Variants in CA10 observed in about 807,000 individuals in gnomAD.
CA10 encodes the protein carbonic anhydrase-related protein 10.
A neutral mutation model predicts 44.2 loss-of-function variants in CA10; 14 were observed. That is an observed-to-expected ratio of 0.32 (90% CI 0.21 to 0.50). The LOEUF is 0.50. Ranked by LOEUF, CA10 falls within the 20% of genes least tolerant of loss-of-function variation. The pLI is 0.99. For missense variants in CA10, 350 were observed against 409.7 expected, an observed-to-expected ratio of 0.85 and a Z score of 1.26; for synonymous variants, 159 against 141.6, an observed-to-expected ratio of 1.12 and a Z score of -0.87.
At chr17:52,157,223 TG>T (rs1028937669) in intron 1 of CA10, among the ~76,000 whole-genome samples, 3 of 152,098 alleles carry the variant, frequency 2.0e-5, no homozygotes, top group African/African-American at 7.2e-5. Flanking sequence ...CTGATGTGTT[TG>T]GGTAAGGCAT....
intron 6 of CA10, among the ~76,000 whole-genome samples, chr17:51,638,664 G>A (rs1465066896): frequency 6.6e-6 from 1 of 152,206 alleles, no homozygotes; most frequent in Admixed American, 6.5e-5. Context: ...AGGTATAGAT[G>A]AGTAGGAAAT....
intron 4 of CA10, among the ~76,000 whole-genome samples, chr17:51,681,615 CT>C (rs1319037649): frequency 2.0e-5 from 3 of 152,156 alleles, no homozygotes; most frequent in Non-Finnish European, 4.4e-5. Context: ...CAAATGTCCC[CT>C]GAAAGGCAAT....
rs543072488 is a variant in CA10, at chr17:51,644,168, C to G, written c.634+5014G>C. ...CTCAAAAGAATGATTTTGCACAGTT[C>G]CCCCCCTTTTTTTTTTTCCTGGTCA... On this transcript the variant is annotated intron_variant, in intron 6 of 8. Transcript: ENST00000451037. 7.5e-3 allele frequency among the ~76,000 whole-genome samples: 618 copies of G among 82,352 alleles called. 3 individuals carry two copies. The highest frequency in any genetic ancestry group is 0.023 in the African/African-American group (575 of 25,316). 54.0% of individuals were successfully genotyped at this position (82,352 alleles called of 152,430 possible).
intron 1 of CA10, among the ~76,000 whole-genome samples, chr17:52,114,604 T>G (rs1280069575): frequency 1.3e-5 from 2 of 152,226 alleles, no homozygotes; most frequent in Non-Finnish European, 2.9e-5. Flanking sequence ...TTAGTAATTC[T>G]TTTAATTACT....
At chr17:51,759,658 AC>A (rs1274825703) in intron 3 of CA10, among the ~76,000 whole-genome samples, 53 of 151,644 alleles carry the variant, frequency 3.5e-4, no homozygotes, top group Non-Finnish European at 1.2e-4. Flanking sequence ...TCCAAGCTCC[AC>A]CCCCCATTCT....
intron 4 of CA10, among the ~76,000 whole-genome samples, chr17:51,657,083 T>C (rs768388189): frequency 7.2e-5 from 11 of 152,174 alleles, no homozygotes; most frequent in Non-Finnish European, 1.0e-4. Flanking sequence ...TTTCAGATGA[T>C]GGTTATTAAG....
intron 1 of CA10, among the ~76,000 whole-genome samples, chr17:52,149,929 A>G (rs1249585940): frequency 1.3e-5 from 2 of 152,170 alleles, no homozygotes; most frequent in Admixed American, 1.3e-4. Flanking sequence ...CCTTTAAAAG[A>G]TGCCTTTCAT....
At chr17:51,968,752 T>C (rs1984171377) in intron 2 of CA10, among the ~76,000 whole-genome samples, 2 of 151,954 alleles carry the variant, frequency 1.3e-5, no homozygotes, top group East Asian at 3.8e-4. Context: ...GATTAGCTTC[T>C]ACATTGTAAT....
At chr17:51,939,665 T>G (rs534841657) in intron 2 of CA10, among the ~76,000 whole-genome samples, 1 of 152,214 alleles carries the variant, frequency 6.6e-6, no homozygotes, top group African/African-American at 2.4e-5. Context: ...CTACTAGAAA[T>G]ATTTCTAGTA....
At chr17:51,798,529 A>G (rs1906802009) in intron 3 of CA10, among the ~76,000 whole-genome samples, 1 of 152,254 alleles carries the variant, frequency 6.6e-6, no homozygotes, top group South Asian at 2.1e-4. Context: ...TACTTGAGAG[A>G]TGCAGCTTAA....
intron 4 of CA10, among the ~76,000 whole-genome samples, chr17:51,728,284 CT>C (rs879908587): frequency 3.8e-4 from 56 of 147,542 alleles, no homozygotes; most frequent in South Asian, 6.5e-4. Flanking sequence ...CTTCCCTTAA[CT>C]TTTTTTTTTT....
intron 1 of CA10, among the ~76,000 whole-genome samples, chr17:52,104,706 C>T (rs1988619941): frequency 6.6e-6 from 1 of 152,192 alleles, no homozygotes; most frequent in African/African-American, 2.4e-5. Context: ...ACAAGTGAAG[C>T]ACTGAGGGTA....
chr17:52,152,762 T>C (rs1323466513), intron 1 of CA10, among the ~76,000 whole-genome samples: 1 of 152,114 alleles, frequency 6.6e-6, no homozygotes, highest in Non-Finnish European at 1.5e-5. Context: ...CACAGATGCT[T>C]TACACTTGCA....
chr17:52,097,094 G>A (rs1013270089), intron 1 of CA10, among the ~76,000 whole-genome samples: 4 of 70,300 alleles, frequency 5.7e-5, no homozygotes, highest in Non-Finnish European at 1.2e-4. Context: ...CATTGTTTAT[G>A]AACTAGGATA....
chr17:51,821,058 TCCCTCTCTC>T (rs1907770800), intron 3 of CA10, among the ~76,000 whole-genome samples: 1 of 59,550 alleles, frequency 1.7e-5, no homozygotes, highest in African/African-American at 7.9e-5. Context: ...CCTCCCTCCC[TCCCTCTCTC>T]CCTTCCTTCC....
rs147087971 is a variant in CA10 at position 51,972,219 on chromosome 17, A to G, written c.137-41087T>C. Reference sequence around the variant, plus strand: ...AGTTCTTTCTTTTTTCTGGTCATGGAAAGGTTCAGACTGAACACTGAAAAT... The same window carrying G: ...AGTTCTTTCTTTTTTCTGGTCATGGGAAGGTTCAGACTGAACACTGAAAAT... On this transcript the variant is annotated intron_variant, in intron 2 of 8. Coordinates refer to ENST00000451037, the MANE Select transcript of CA10 (RefSeq NM_020178.5). Among the ~76,000 whole-genome samples the G allele has an allele frequency of 3.1e-3, 475 of 152,240 alleles. 2 individuals are homozygous for G. The highest frequency in any genetic ancestry group is 9.9e-3 in the African/African-American group (412 of 41,558).
intron 2 of CA10, among the ~76,000 whole-genome samples, chr17:51,958,433 A>T (rs751907650): frequency 1.3e-5 from 2 of 152,172 alleles, no homozygotes; most frequent in Non-Finnish European, 2.9e-5. Context: ...TACTGGATTC[A>T]TTACCTTTCC....
intron 1 of CA10, among the ~76,000 whole-genome samples, chr17:52,115,684 G>A (rs1398242556): frequency 2.0e-5 from 3 of 152,226 alleles, no homozygotes; most frequent in Non-Finnish European, 4.4e-5. Flanking sequence ...TCTCGGTTGG[G>A]GCTGGGGCAC....
intron 3 of CA10, among the ~76,000 whole-genome samples, chr17:51,822,067 T>C (rs1227463935): frequency 6.6e-6 from 1 of 152,138 alleles, no homozygotes; most frequent in Non-Finnish European, 1.5e-5. Context: ...CTATCCTTTC[T>C]ACAGATATAC....
Sources: gnomAD v4.1 joint callset for allele counts (sites outside exome capture counted in the v4.1 genomes callset) on GRCh38, gnomAD v4.1.1 for gene constraint, MANE v1.5 for transcripts, NCBI Gene and HGNC (gene_info 2026-07-23, HGNC 2026-07-21) for gene names.